The following STPG2 variants were observed in gnomAD, a reference collection of about 807,000 sequenced individuals.
STPG2 encodes the protein sperm tail PG-rich repeat containing 2, also known as sperm-tail PG-rich repeat-containing protein 2.
STPG2 carries 56 observed loss-of-function variants against 54.2 expected under a neutral mutation model. The observed-to-expected ratio is 1.03, with a 90% CI of 0.83 to 1.29. STPG2 has a LOEUF of 1.29. Ranked by LOEUF, STPG2 falls within the 50% of genes most tolerant of loss-of-function variation. STPG2 has a pLI of 0.00. For synonymous variants in STPG2, 200 were observed against 181.8 expected (o/e 1.10, Z -0.81); for missense variants, 596 against 544.9 (o/e 1.09, Z -0.93).
In STPG2 at chr4:97,923,085, C is replaced by T. The variant is rs996273863; in HGVS notation, c.1044+20812G>A. 5.3e-5 allele frequency among the ~76,000 whole-genome samples: 8 copies of T among 152,354 alleles called. No individual in the cohort carries two copies. In the East Asian group the frequency reaches 7.7e-4, roughly 15 times the overall value. On this transcript the variant is annotated intron_variant, in intron 8 of 10. Coordinates refer to ENST00000295268, the MANE Select transcript of STPG2 (RefSeq NM_174952.3). ...TAATAATAATATTGAGAGGTGACAG[C>T]GTGCTGGCAGCCCTCGCAGCCCTCG...
chr4:97,701,277 A>T (rs1215071848), intron 10 of STPG2, among the ~76,000 whole-genome samples: 1 of 152,118 alleles, frequency 6.6e-6, no homozygotes, highest in Non-Finnish European at 1.5e-5. Flanking sequence ...CCACAAGATG[A>T]GTCCAGGGAC....
intron 4 of STPG2, among the ~76,000 whole-genome samples, chr4:97,528,165 T>A (rs917289662): frequency 2.0e-5 from 3 of 152,166 alleles, no homozygotes; most frequent in Non-Finnish European, 4.4e-5. Flanking sequence ...CCATCTTGAG[T>A]TAATTTTTGT....
intron 5 of STPG2, among the ~76,000 whole-genome samples, chr4:98,060,537 G>C (rs1037852313): frequency 1.3e-5 from 2 of 152,136 alleles, no homozygotes; most frequent in African/African-American, 4.8e-5. Context: ...AACTACCGAA[G>C]ACATTATTCA....
intron 4 of STPG2, among the ~76,000 whole-genome samples, chr4:97,443,668 C>T (rs1729146910): frequency 6.6e-6 from 1 of 152,082 alleles, no homozygotes; most frequent in Admixed American, 6.6e-5. Flanking sequence ...CACAATCCCA[C>T]ACTGGAAAAG....
chr4:97,570,999 A>T (rs911987564), intron 10 of STPG2, among the ~76,000 whole-genome samples: 6 of 152,128 alleles, frequency 3.9e-5, no homozygotes, highest in Admixed American at 3.9e-4. Flanking sequence ...ACTGGTTCCA[A>T]AAACTTTCTA....
At chr4:97,493,934 TTGATAAGTTGTTAAACAGA>T (rs995408446) in intron 4 of STPG2, among the ~76,000 whole-genome samples, 14 of 151,604 alleles carry the variant, frequency 9.2e-5, no homozygotes, top group Non-Finnish European at 1.2e-4. Context: ...GTGAAATCCT[TTGATAAGTTGTTAAACAGA>T]TTTAACAAGG....
At chr4:97,919,098 T>C (rs1030927489) in intron 8 of STPG2, among the ~76,000 whole-genome samples, 1 of 152,140 alleles carries the variant, frequency 6.6e-6, no homozygotes, top group Non-Finnish European at 1.5e-5. Flanking sequence ...AACACACTTC[T>C]AAATATGTCA....
intron 5 of STPG2, among the ~76,000 whole-genome samples, chr4:97,992,508 A>C (rs563761259): frequency 6.6e-6 from 1 of 152,132 alleles, no homozygotes; most frequent in Non-Finnish European, 1.5e-5. Flanking sequence ...ATAGCCTTGT[A>C]GTATAGTTTC....
intron 10 of STPG2, among the ~76,000 whole-genome samples, chr4:97,668,349 C>T (rs1722588836): frequency 6.6e-6 from 1 of 152,030 alleles, no homozygotes; most frequent in African/African-American, 2.4e-5. Flanking sequence ...ATCTTGATGG[C>T]TAGGCTAAGG....
chr4:98,013,403 G>GTT (rs1191217348), intron 5 of STPG2, among the ~76,000 whole-genome samples: 2 of 152,040 alleles, frequency 1.3e-5, no homozygotes, highest in Non-Finnish European at 2.9e-5. Flanking sequence ...TTGGCCTGAA[G>GTT]TTTTCTTTTT....
intron 5 of STPG2, among the ~76,000 whole-genome samples, chr4:98,026,665 G>A (rs534870326): frequency 1.6e-4 from 25 of 152,154 alleles, no homozygotes; most frequent in African/African-American, 3.4e-4. Flanking sequence ...GATAAACTCC[G>A]GTCCACTGAC....
At chr4:97,523,554 G>C (rs1416254209) in intron 4 of STPG2, among the ~76,000 whole-genome samples, 1 of 151,856 alleles carries the variant, frequency 6.6e-6, no homozygotes, top group Non-Finnish European at 1.5e-5. Context: ...TATTAGATTT[G>C]ACAGTCTTCA....
At chr4:97,480,757 C>A (rs933426448) in intron 4 of STPG2, among the ~76,000 whole-genome samples, 1 of 151,506 alleles carries the variant, frequency 6.6e-6, no homozygotes, top group Non-Finnish European at 1.5e-5. Flanking sequence ...ATTTTGCTTA[C>A]TTTAGTTTTT....
rs539294430 is a variant in STPG2 at position 98,060,212 on chromosome 4, C to T, written c.612+45741G>A. ...ACTGCCTTTAGCTGGTAAACAACTT[C>T]AGCAAAGTTTAAGGATACAAAATCA... On this transcript the variant is annotated intron_variant, in intron 5 of 10. Transcript: ENST00000295268. Among the ~76,000 whole-genome samples, 65 of 152,302 alleles carry T rather than the reference C, an allele frequency of 4.3e-4. 1 individual carries two copies. The highest frequency in any genetic ancestry group is 5.6e-4 in the Non-Finnish European group (38 of 68,010).
At chr4:97,918,176 T>C (rs896221535) in intron 8 of STPG2, among the ~76,000 whole-genome samples, 11 of 152,202 alleles carry the variant, frequency 7.2e-5, no homozygotes, top group Admixed American at 1.3e-4. Context: ...GAAAAATTAC[T>C]AAACTCCTAT....
intron 10 of STPG2, among the ~76,000 whole-genome samples, chr4:97,662,549 A>T (rs1266774559): frequency 6.6e-6 from 1 of 152,176 alleles, no homozygotes; most frequent in Non-Finnish European, 1.5e-5. Flanking sequence ...TACCAAAAAG[A>T]CACATGTACC....
intron 2 of STPG2, among the ~76,000 whole-genome samples, 180 bp from the exon 3 acceptor site, chr4:98,128,772 C>T (rs1341072375): frequency 6.6e-6 from 1 of 152,044 alleles, no homozygotes; most frequent in African/African-American, 2.4e-5. Flanking sequence ...CTCTGTCACC[C>T]AGGCTGGAGT....
intron 9 of STPG2, among the ~76,000 whole-genome samples, chr4:97,769,293 G>C (rs1726153580): frequency 6.6e-6 from 1 of 152,120 alleles, no homozygotes; most frequent in African/African-American, 2.4e-5. Flanking sequence ...GAGCCACATG[G>C]AGTACATATA....
chr4:97,652,041 A>T (rs1722084510), intron 10 of STPG2, among the ~76,000 whole-genome samples: 1 of 151,896 alleles, frequency 6.6e-6, no homozygotes, highest in African/African-American at 2.4e-5. Context: ...GACATATAAT[A>T]AAAACAGCTG....
Sources: allele counts gnomAD v4.1 joint callset (sites outside exome capture counted in the v4.1 genomes callset), GRCh38; gene constraint gnomAD v4.1.1; transcripts MANE v1.5; gene names NCBI Gene and HGNC (gene_info 2026-07-23, HGNC 2026-07-21).